MAGI3: variants seen among roughly 807,000 people sequenced by gnomAD.
The protein encoded by MAGI3 is membrane-associated guanylate kinase, WW and PDZ domain-containing protein 3.
A neutral mutation model predicts 121.8 loss-of-function variants in MAGI3; 43 were observed. The ratio of observed to expected loss-of-function variants is 0.35; its 90% CI spans 0.28 to 0.46. The LOEUF (loss-of-function observed/expected upper bound fraction) is 0.46, where lower values mean the gene tolerates loss of function less well. Ranked by LOEUF, MAGI3 falls within the 20% of genes least tolerant of loss-of-function variation. The pLI, the probability that MAGI3 is intolerant of heterozygous loss-of-function variation, is 1.00. For synonymous variants in MAGI3, 553 were observed against 639.3 expected, an observed-to-expected ratio of 0.86 and a Z score of 2.04; for missense variants, 1,547 against 1,797.3, an observed-to-expected ratio of 0.86 and a Z score of 2.52.
intron 1 of MAGI3, among the ~76,000 whole-genome samples, chr1:113,514,652 C>G (rs1327351384): frequency 2.0e-5 from 3 of 152,068 alleles, no homozygotes; most frequent in Non-Finnish European, 2.9e-5. Flanking sequence ...GGAGGGATAG[C>G]TTTAGGAGAT....
chr1:113,559,534 C>G (rs144059918), intron 2 of MAGI3, among the ~76,000 whole-genome samples: 2 of 152,154 alleles, frequency 1.3e-5, no homozygotes, highest in Admixed American at 1.3e-4. Flanking sequence ...TATATATGCT[C>G]CCGATACAGG....
intron 16 of MAGI3, among the ~76,000 whole-genome samples, chr1:113,670,794 A>G (rs1462901472): frequency 6.6e-6 from 1 of 152,238 alleles, no homozygotes; most frequent in Non-Finnish European, 1.5e-5. Context: ...AGGCAAGACA[A>G]TTCAAAGCAC....
rs576282888 is a variant in MAGI3 at position 113,639,100 on chromosome 1, G to A, written c.1361-2811G>A. Among the ~76,000 whole-genome samples, 6 of 152,320 alleles carry A rather than the reference G, an allele frequency of 3.9e-5. No individual in the cohort carries two copies. The South Asian group carries it at 1.0e-3, about 26-fold the overall frequency. ...AGCCCATCAGAAAAGCGCAGTATTC[G>A]GGTGGGAGTGACCCAATTTTCCAGG... On this transcript the variant is annotated intron_variant, in intron 9 of 20. Transcript: ENST00000307546.
chr1:113,416,183 T>G (rs868487691), intron 1 of MAGI3, among the ~76,000 whole-genome samples: 2 of 75,434 alleles, frequency 2.7e-5, no homozygotes, highest in African/African-American at 3.4e-5. Flanking sequence ...TAATGACACA[T>G]ATTAATTATG....
chr1:113,412,514 C>T (rs1652055727), intron 1 of MAGI3, among the ~76,000 whole-genome samples: 2 of 152,132 alleles, frequency 1.3e-5, no homozygotes, highest in Admixed American at 1.3e-4. Flanking sequence ...TCCTATTTAT[C>T]CACATCCTCT....
At chr1:113,609,987 A>T (rs1228677799) in intron 6 of MAGI3, among the ~76,000 whole-genome samples, 1 of 152,092 alleles carries the variant, frequency 6.6e-6, no homozygotes, top group Non-Finnish European at 1.5e-5. Flanking sequence ...TAAGGACTCT[A>T]CTTCGTATTT....
intron 1 of MAGI3, among the ~76,000 whole-genome samples, chr1:113,525,592 A>G (rs1658412544): frequency 6.6e-6 from 1 of 151,984 alleles, no homozygotes; most frequent in South Asian, 2.1e-4. Flanking sequence ...TAATTTAACT[A>G]TTAAATGAAG....
Position 113,590,470 on chromosome 1 carries a change from T to G in MAGI3, c.764-14T>G. ...TACCCACTTTTCACACCTTTCTGTTTTGAACAATGGCAGAAAACAGAGAGA... is the reference window on the plus strand; with the variant it reads ...TACCCACTTTTCACACCTTTCTGTTGTGAACAATGGCAGAAAACAGAGAGA... On this transcript the variant is annotated splice_polypyrimidine_tract_variant and intron_variant, in intron 4 of 20. Transcript: ENST00000307546. 3 of 1,613,092 alleles carry G rather than the reference T, an allele frequency of 1.9e-6. No individual in the cohort carries two copies. Among genetic ancestry groups the G allele is most frequent in the East Asian group, 4.5e-5 (2 of 44,848 alleles).
intron 4 of MAGI3, among the ~76,000 whole-genome samples, chr1:113,589,819 T>G (rs1433720949): frequency 6.6e-6 from 1 of 152,128 alleles, no homozygotes; most frequent in South Asian, 2.1e-4. Flanking sequence ...TTTAGTATTC[T>G]TACCTACATT....
chr1:113,416,729 G>T (rs370036995), intron 1 of MAGI3, among the ~76,000 whole-genome samples: 1 of 151,164 alleles, frequency 6.6e-6, no homozygotes, highest in African/African-American at 2.4e-5. Context: ...ATATGATTTA[G>T]ATTTTAAATA....
At chr1:113,415,360 C>T (rs947302781) in intron 1 of MAGI3, among the ~76,000 whole-genome samples, 1 of 152,072 alleles carries the variant, frequency 6.6e-6, no homozygotes, top group Non-Finnish European at 1.5e-5. Context: ...AATTTTGTAA[C>T]CATCCCCATT....
rs973336333 is a variant in MAGI3 at position 113,658,364 on chromosome 1, T to A, written c.2630-716T>A. On this transcript the variant is annotated intron_variant, in intron 15 of 20. Coordinates refer to ENST00000307546, the MANE Select transcript of MAGI3 (RefSeq NM_001142782.2). The surrounding 1 kb of genome is among the most constrained non-coding windows in gnomAD (Gnocchi z 4.0). ...AGAGCTACACAGAGCATCTTTGCAA[T>A]TGTATTAGACTCAGCTTTGTGTATT... 6.6e-6 allele frequency among the ~76,000 whole-genome samples: 1 copy of A among 152,254 alleles called. No individual in the cohort carries two copies. Among genetic ancestry groups the A allele is most frequent in the East Asian group, 1.9e-4 (1 of 5,206 alleles).
intron 1 of MAGI3, among the ~76,000 whole-genome samples, chr1:113,447,854 C>CAA (rs141135630): frequency 5.5e-5 from 8 of 144,644 alleles, no homozygotes; most frequent in East Asian, 4.0e-4. Flanking sequence ...GACTGTGTCT[C>CAA]AAAAAAAAAA....
At chr1:113,574,822 C>CCAGT (rs1194158670) in intron 2 of MAGI3, among the ~76,000 whole-genome samples, 4 of 152,166 alleles carry the variant, frequency 2.6e-5, no homozygotes, top group African/African-American at 9.7e-5. Flanking sequence ...TTCAGGTATA[C>CCAGT]CAGTCAATCA....
intron 12 of MAGI3, among the ~76,000 whole-genome samples, chr1:113,648,194 T>C (rs1417340865): frequency 6.6e-6 from 1 of 152,168 alleles, no homozygotes; most frequent in Admixed American, 6.5e-5. Flanking sequence ...GTGGACTCTT[T>C]TAATCTCTAA....
intron 5 of MAGI3, among the ~76,000 whole-genome samples, chr1:113,593,359 T>G (rs1266573671): frequency 6.6e-6 from 1 of 152,100 alleles, no homozygotes; most frequent in Non-Finnish European, 1.5e-5. Flanking sequence ...CTAGGCAACA[T>G]AGCCAGGCCT....
intron 1 of MAGI3, among the ~76,000 whole-genome samples, chr1:113,475,603 GC>G (rs1430613261): frequency 6.6e-6 from 1 of 152,156 alleles, no homozygotes; most frequent in African/African-American, 2.4e-5. Flanking sequence ...TTGTGGATAA[GC>G]TTTTTCATGT....
intron 1 of MAGI3, among the ~76,000 whole-genome samples, chr1:113,403,293 C>T (rs1029059838): frequency 3.3e-5 from 5 of 152,016 alleles, no homozygotes; most frequent in African/African-American, 1.2e-4. Context: ...GCAGCCACTG[C>T]TGTTAACATT....
At chr1:113,592,677 T>A (rs1648757187) in intron 5 of MAGI3, among the ~76,000 whole-genome samples, 2 of 152,176 alleles carry the variant, frequency 1.3e-5, no homozygotes, top group South Asian at 4.1e-4. Flanking sequence ...CTAGAGATAA[T>A]CTCACTTTTT....
Sources: gnomAD v4.1 joint callset for allele counts (sites outside exome capture counted in the v4.1 genomes callset) on GRCh38, gnomAD v4.1.1 for gene constraint, Gnocchi (gnomAD v3.1) non-coding constraint, MANE v1.5 for transcripts, NCBI Gene and HGNC (gene_info 2026-07-23, HGNC 2026-07-21) for gene names.